DHX8: variants seen among roughly 807,000 people sequenced by gnomAD.
The protein encoded by DHX8 is DEAH-box helicase 8.
In DHX8, 67 loss-of-function variants were observed where a neutral mutation model predicts 140.7. That is an observed-to-expected ratio of 0.48 (90% CI 0.39 to 0.58). The LOEUF (loss-of-function observed/expected upper bound fraction) is 0.58. Ranked by LOEUF, DHX8 falls within the 20% of genes least tolerant of loss-of-function variation. The pLI, the probability that DHX8 is intolerant of heterozygous loss-of-function variation, is 0.00. For missense variants in DHX8, 887 were observed against 1,550.7 expected, an observed-to-expected ratio of 0.57 and a Z score of 7.19; for synonymous variants, 533 against 553.2, an observed-to-expected ratio of 0.96 and a Z score of 0.51.
intron 17 of DHX8, among the ~76,000 whole-genome samples, chr17:43,515,348 C>A (rs746628834): frequency 1.3e-5 from 2 of 152,170 alleles, no homozygotes; most frequent in Non-Finnish European, 2.9e-5. Context: ...GCCGCCATGA[C>A]CACCTAATTT....
chr17:43,512,906 A>G (rs972834701), intron 16 of DHX8, among the ~76,000 whole-genome samples: 1 of 152,018 alleles, frequency 6.6e-6, no homozygotes, highest in Non-Finnish European at 1.5e-5. Flanking sequence ...CTCTTGTTCC[A>G]CATACATATT....
chr17:43,496,141 C>A, intron 8 of DHX8, 40 bp from the exon 9 acceptor site: 2 of 1,506,642 alleles, frequency 1.3e-6, no homozygotes, highest in South Asian at 1.2e-5. Context: ...AAGTTTTGAT[C>A]TTAGCAGGTT....
intron 12 of DHX8, among the ~76,000 whole-genome samples, chr17:43,505,541 C>T (rs1969447817): frequency 6.6e-6 from 1 of 152,144 alleles, no homozygotes; most frequent in African/African-American, 2.4e-5. Flanking sequence ...TGCACTCCAG[C>T]CTGGGCGACC....
chr17:43,493,154 C>T, intron 6 of DHX8, 114 bp downstream of exon 6: 2 of 1,392,730 alleles, frequency 1.4e-6, no homozygotes, highest in South Asian at 1.4e-5. Context: ...GTCAAATCAG[C>T]CATACATGGT....
chr17:43,524,307 T>C lies in DHX8; in HGVS notation c.*460T>C. ...TGACCTCGTGGAAATATTTATTTTC[T>C]TAAGGAAACAAAAATGGTTTTCTGT... On this transcript the variant is annotated 3_prime_UTR_variant, in exon 23 of 23. Coordinates refer to ENST00000262415, the MANE Select transcript of DHX8 (RefSeq NM_004941.3). 2.1e-5 allele frequency: 21 copies of C among 1,004,684 alleles called. No homozygotes were observed. Among genetic ancestry groups the C allele is most frequent in the Non-Finnish European group, 2.5e-5 (21 of 841,654 alleles). 62.2% of individuals were successfully genotyped at this position (1,004,684 alleles called of 1,614,324 possible).
chr17:43,501,935 T>C (rs1464764847), intron 11 of DHX8, among the ~76,000 whole-genome samples: 1 of 152,122 alleles, frequency 6.6e-6, no homozygotes, highest in African/African-American at 2.4e-5. Context: ...GGCTTGAACA[T>C]GGAGGTAGCA....
At chr17:43,518,650 C>T (rs1970230791) in intron 18 of DHX8, 2 of 152,102 alleles carry the variant, frequency 1.3e-5, no homozygotes, top group Non-Finnish European at 2.9e-5. Context: ...AATTCAGTGG[C>T]ATTAAATACA....
intron 17 of DHX8, among the ~76,000 whole-genome samples, chr17:43,516,376 T>G (rs1027683729): frequency 1.3e-5 from 2 of 152,246 alleles, no homozygotes; most frequent in African/African-American, 4.8e-5. Context: ...GTAACTTGCA[T>G]TTTGCATTTA....
At chr17:43,494,230 G>A (rs1968710675) in intron 8 of DHX8, among the ~76,000 whole-genome samples, 1 of 152,174 alleles carries the variant, frequency 6.6e-6, no homozygotes, top group African/African-American at 2.4e-5. Flanking sequence ...GTGGGAAAGA[G>A]CTGCCTCCAT....
rs145388475 is a variant in DHX8, at chr17:43,524,733, T to A, written c.*886T>A. ...ACACAGCTTTTATTTTATTTTGTTTTTATTTTTTTCCCCTGAGGTCCTGGA... is the reference window on the plus strand; with the variant it reads ...ACACAGCTTTTATTTTATTTTGTTTATATTTTTTTCCCCTGAGGTCCTGGA... On this transcript the variant is annotated 3_prime_UTR_variant, in exon 23 of 23. Transcript: ENST00000262415. 6.1e-4 allele frequency: 604 copies of A among 985,430 alleles called. 3 individuals are homozygous for A. In the African/African-American group the frequency reaches 1.0e-2, roughly 16 times the overall value. The allele number at this position is 985,430 out of a possible 1,614,324, so 61.0% of individuals were successfully genotyped here.
intron 16 of DHX8, among the ~76,000 whole-genome samples, chr17:43,510,244 C>T (rs1034843621): frequency 6.6e-6 from 1 of 152,024 alleles, no homozygotes; most frequent in Non-Finnish European, 1.5e-5. Flanking sequence ...GACAGGGTTT[C>T]TCCATTCTGG....
chr17:43,493,391 G>A, intron 6 of DHX8, 54 bp from the exon 7 acceptor site: 3 of 1,596,162 alleles, frequency 1.9e-6, no homozygotes, highest in Admixed American at 1.7e-5. Context: ...GTAGAAATTG[G>A]TTGGGGGAAA....
In DHX8 at chr17:43,500,022, C is replaced by T; in HGVS notation, c.1465C>T (p.Leu489Phe). The T allele has an allele frequency of 6.2e-7, 1 of 1,614,192 alleles. No individual in the cohort carries two copies. Among genetic ancestry groups the T allele is most frequent in the African/African-American group, 1.3e-5 (1 of 75,054 alleles). Reference sequence around the variant, plus strand: ...TGCCTTGGCCAAAGAAAGGCGGGAACTCAAACAGGCCCAGCGGGAAGCTGA... The same window carrying T: ...TGCCTTGGCCAAAGAAAGGCGGGAATTCAAACAGGCCCAGCGGGAAGCTGA... ...QSALAKERRE[L>F]KQAQREAEMD... is the part of the protein sequence containing the mutation. Residue 489 changes from leucine to phenylalanine, a missense_variant, in exon 11 of 23, where the codon CTC becomes TTC. Around this residue, in one of 9 missense-constraint regions of DHX8, gnomAD observed 178 missense variants for 398.5 expected, o/e 0.45. Coordinates refer to ENST00000262415, the MANE Select transcript of DHX8 (RefSeq NM_004941.3).
At chr17:43,498,808 A>G (rs1298942403) in intron 9 of DHX8, 54 bp from the exon 10 acceptor site, 2 of 1,430,040 alleles carry the variant, frequency 1.4e-6, no homozygotes, top group Non-Finnish European at 1.9e-6. Flanking sequence ...GTCTTGGTGA[A>G]AATTGTTATT....
downstream of DHX8, among the ~76,000 whole-genome samples, chr17:43,531,341 A>G (rs1970926044): frequency 6.6e-6 from 1 of 152,176 alleles, no homozygotes; most frequent in Non-Finnish European, 1.5e-5. Context: ...GAGGCTTTGA[A>G]CTATAGCTAT....
At chr17:43,509,877 C>T (rs917312671) in intron 16 of DHX8, among the ~76,000 whole-genome samples, 2 of 152,050 alleles carry the variant, frequency 1.3e-5, no homozygotes, top group African/African-American at 4.8e-5. Flanking sequence ...CCACGTTGGC[C>T]GGGCTGGTCT....
downstream of DHX8, chr17:43,529,680 G>A (rs1321174475): frequency 1.9e-6 from 3 of 1,605,314 alleles, no homozygotes; most frequent in African/African-American, 2.7e-5. Context: ...ATGTCTCCTG[G>A]GGAACACGAA....
At chr17:43,533,292 C>T (rs1279328634) in intron 2 of DHX8, 2 of 1,613,872 alleles carry the variant, frequency 1.2e-6, no homozygotes, top group South Asian at 2.2e-5. Flanking sequence ...GGGCGACTGT[C>T]CAAGGGCACC....
At position 43,508,373 on chromosome 17, in the gene DHX8, AAT is replaced by A; in HGVS notation, c.2356_2357del (p.Ile786Ter). 1 of 1,612,222 alleles carries A rather than the reference AAT, an allele frequency of 6.2e-7. No individual in the cohort carries two copies. Among genetic ancestry groups the A allele is most frequent in the Non-Finnish European group, 8.5e-7 (1 of 1,178,454 alleles). ...TGGTCTTCCTGACTGGTCAGGAAGA[AAT>A]TGATACTGCTTGTGAGATCCTGTAT... ...ILVFLTGQEE[I>X]DTACEILYER... On this transcript the variant is annotated frameshift_variant, in exon 16 of 23. Transcript: ENST00000262415. LOFTEE classifies it high-confidence loss of function.
Sources: allele counts gnomAD v4.1 joint callset (sites outside exome capture counted in the v4.1 genomes callset), GRCh38; gene constraint gnomAD v4.1.1; regional missense constraint gnomAD v4.1.1; transcripts MANE v1.5; gene names NCBI Gene and HGNC (gene_info 2026-07-23, HGNC 2026-07-21).